The following ADARB1 variants were observed in gnomAD, a reference collection of about 807,000 sequenced individuals.
ADARB1 encodes double-stranded RNA-specific editase 1.
In ADARB1, 10 loss-of-function variants were observed where a neutral mutation model predicts 52.4. The observed-to-expected ratio is 0.19, with a 90% CI of 0.12 to 0.32. The LOEUF (loss-of-function observed/expected upper bound fraction) is 0.32. Ranked by LOEUF, ADARB1 falls within the 10% of genes least tolerant of loss-of-function variation. The pLI, the probability that ADARB1 is intolerant of heterozygous loss-of-function variation, is 1.00. For missense variants in ADARB1, 643 were observed against 922.3 expected, an observed-to-expected ratio of 0.70 and a Z score of 3.92; for synonymous variants, 349 against 371.1, an observed-to-expected ratio of 0.94 and a Z score of 0.68.
intron 2 of ADARB1, among the ~76,000 whole-genome samples, chr21:45,138,259 C>T (rs965659081): frequency 5.3e-5 from 8 of 152,276 alleles, no homozygotes; most frequent in African/African-American, 1.9e-4. Context: ...GATTTAGCTC[C>T]GTGACGTTTC....
At chr21:45,150,264 ACT>A in intron 2 of ADARB1, among the ~76,000 whole-genome samples, 1 of 152,170 alleles carries the variant, frequency 6.6e-6, no homozygotes, top group African/African-American at 2.4e-5. Context: ...ACAGAGCAAA[ACT>A]CTGTCTCAGA....
intron 9 of ADARB1, among the ~76,000 whole-genome samples, chr21:45,219,522 C>T (rs2092925470): frequency 6.6e-6 from 1 of 151,886 alleles, no homozygotes; most frequent in Non-Finnish European, 1.5e-5. Context: ...GACTCCGTCT[C>T]GAAAAAAAGA....
In ADARB1 at chr21:45,200,195, G is replaced by A. The variant is rs1402591224; in HGVS notation, c.1566-4360G>A. Among the ~76,000 whole-genome samples the A allele has an allele frequency of 6.6e-6, 1 of 152,184 alleles. No individual in the cohort carries two copies. Among genetic ancestry groups the A allele is most frequent in the East Asian group, 1.9e-4 (1 of 5,192 alleles). On this transcript the variant is annotated intron_variant, in intron 8 of 10. Transcript: ENST00000348831. This position sits in a 1 kb window ranked among gnomAD's most constrained non-coding sequence, Gnocchi z 5.0. ...CCCCTTACACAGGACACAGTGACAG[G>A]CAGAGGGCCCAGGGCCATGGTAGGT... is the stretch of plus-strand genomic sequence containing the variant.
At chr21:45,207,211 A>G (rs905532681) in intron 9 of ADARB1, among the ~76,000 whole-genome samples, 2 of 152,248 alleles carry the variant, frequency 1.3e-5, no homozygotes, top group African/African-American at 4.8e-5. Context: ...ACCAAAGTCT[A>G]TTTCAAAATG....
chr21:45,118,633 A>C (rs1438812939), intron 1 of ADARB1: 2 of 151,300 alleles, frequency 1.3e-5, no homozygotes, highest in East Asian at 1.9e-4. Context: ...AACATCTTCT[A>C]CTCTCTCCTT....
intron 9 of ADARB1, among the ~76,000 whole-genome samples, chr21:45,218,243 CTCTT>C (rs1290081481): frequency 1.3e-5 from 2 of 152,068 alleles, no homozygotes; most frequent in Non-Finnish European, 2.9e-5. Flanking sequence ...CTTTTTTTCT[CTCTT>C]TGTGTTTCAT....
intron 2 of ADARB1, 112 bp from the exon 3 acceptor site, chr21:45,171,498 G>A (rs1046172359): frequency 1.4e-6 from 1 of 710,820 alleles, no homozygotes; most frequent in Non-Finnish European, 2.4e-6. Context: ...CTTATTTTAT[G>A]ATTTTTTTCC....
chr21:45,096,632 C>T (rs868707801), intron 1 of ADARB1, among the ~76,000 whole-genome samples: 1 of 152,220 alleles, frequency 6.6e-6, no homozygotes, highest in Non-Finnish European at 1.5e-5. Context: ...CCTCCCTGGT[C>T]GTTCCTAGGG....
At chr21:45,161,527 T>C (rs1335725442) in intron 2 of ADARB1, among the ~76,000 whole-genome samples, 2 of 152,204 alleles carry the variant, frequency 1.3e-5, no homozygotes, top group African/African-American at 4.8e-5. Context: ...CTTTGGGTGC[T>C]GACAAGCATG....
intron 1 of ADARB1, among the ~76,000 whole-genome samples, chr21:45,118,996 A>T (rs1221535383): frequency 1.3e-5 from 2 of 152,230 alleles, no homozygotes; most frequent in African/African-American, 4.8e-5. Flanking sequence ...TTCATTCACC[A>T]CCAAAAAGTA....
intron 1 of ADARB1, among the ~76,000 whole-genome samples, chr21:45,111,504 C>A (rs953822267): frequency 3.3e-5 from 5 of 152,138 alleles, no homozygotes; most frequent in Non-Finnish European, 2.9e-5. Context: ...AGGGTGCACT[C>A]TTAGTGTTGG....
rs1023788781 is a variant in ADARB1, at chr21:45,157,208, T to G, written c.-47-14402T>G. Among the ~76,000 whole-genome samples, 1 of 152,232 alleles carries G rather than the reference T, an allele frequency of 6.6e-6. No individual in the cohort carries two copies. Among genetic ancestry groups the G allele is most frequent in the Admixed American group, 6.5e-5 (1 of 15,280 alleles). ...GGTGCATACACTCTAGGTTAACAGT[T>G]GAAATTCTAAAGTAAGCATGTAGAA... On this transcript the variant is annotated intron_variant, in intron 2 of 10. Transcript: ENST00000348831. The surrounding 1 kb of genome is among the most constrained non-coding windows in gnomAD (Gnocchi z 4.1).
intron 2 of ADARB1, among the ~76,000 whole-genome samples, chr21:45,169,794 C>T (rs1288365739): frequency 6.6e-6 from 1 of 152,216 alleles, no homozygotes; most frequent in Non-Finnish European, 1.5e-5. Context: ...ACTTTGCCTG[C>T]ATAACCTCAG....
At chr21:45,183,306 T>C in intron 6 of ADARB1, 56 bp from the exon 7 acceptor site, 1 of 1,500,920 alleles carries the variant, frequency 6.7e-7, no homozygotes, top group South Asian at 1.3e-5. Flanking sequence ...AATGATAGAC[T>C]AAAATTTAAC....
intron 2 of ADARB1, chr21:45,146,083 CA>C (rs2089991920): frequency 7.5e-6 from 1 of 133,750 alleles, no homozygotes; most frequent in Non-Finnish European, 1.6e-5. Context: ...TACCTACGGC[CA>C]GATGGCTGTT....
intron 1 of ADARB1, among the ~76,000 whole-genome samples, chr21:45,097,699 T>C (rs2086826066): frequency 6.6e-6 from 1 of 151,938 alleles, no homozygotes; most frequent in African/African-American, 2.4e-5. Flanking sequence ...CCCACTGTGG[T>C]GATGGGGAGG....
chr21:45,100,613 C>T (rs143338785), intron 1 of ADARB1: 1 of 152,398 alleles, frequency 6.6e-6, no homozygotes, highest in East Asian at 1.9e-4. Flanking sequence ...TGTGGCATCT[C>T]CATTGAGGCT....
rs1476371854 is a variant in ADARB1, at chr21:45,208,689, CAT to C, written c.1747+3954_1747+3955del. On this transcript the variant is annotated intron_variant, in intron 9 of 10. Transcript: ENST00000348831. The surrounding 1 kb of genome is among the most constrained non-coding windows in gnomAD (Gnocchi z 5.6). ...GTGCGTGTGTGTATGAGTGTGTGTG[CAT>C]GTGTGTGTGCACGCTCACATGAGTG... Among the ~76,000 whole-genome samples the C allele has an allele frequency of 6.6e-6, 1 of 151,326 alleles. No homozygotes were observed. Among genetic ancestry groups the C allele is most frequent in the Non-Finnish European group, 1.5e-5 (1 of 67,780 alleles).
At chr21:45,082,529 T>G (rs2086193416) in intron 1 of ADARB1, among the ~76,000 whole-genome samples, 1 of 152,228 alleles carries the variant, frequency 6.6e-6, no homozygotes, top group Non-Finnish European at 1.5e-5. Context: ...TCAGGGTCCT[T>G]GTAATTAAGT....
Sources: allele counts gnomAD v4.1 joint callset (sites outside exome capture counted in the v4.1 genomes callset), GRCh38; gene constraint gnomAD v4.1.1; non-coding constraint Gnocchi (gnomAD v3.1); transcripts MANE v1.5; gene names NCBI Gene and HGNC (gene_info 2026-07-23, HGNC 2026-07-21).